PIK3C2B: variants seen among roughly 807,000 people sequenced by gnomAD.
The protein encoded by PIK3C2B is phosphatidylinositol-4-phosphate 3-kinase catalytic subunit type 2 beta.
Under a neutral mutation model 184.3 loss-of-function variants are expected in PIK3C2B, and 83 were observed. The ratio of observed to expected loss-of-function variants is 0.45; its 90% confidence interval spans 0.38 to 0.54. The LOEUF (loss-of-function observed/expected upper bound fraction) is 0.54, where lower values mean the gene tolerates loss of function less well. Among genes scored for constraint, PIK3C2B ranks in the 20% least tolerant of loss-of-function variants. The pLI, the probability that PIK3C2B is intolerant of heterozygous loss-of-function variation, is 0.00. For missense variants in PIK3C2B, 1,736 were observed against 2,113.5 expected (o/e 0.82, Z 3.50); for synonymous variants, 779 against 837.6 (o/e 0.93, Z 1.21).
rs757022256 is a variant in PIK3C2B, at chr1:204,454,756, T to C, written c.1979A>G (p.His660Arg). Residue 660 changes from histidine (H) to arginine (R), a missense_variant, in exon 12 of 33, where the codon CAT (histidine) becomes CGT (arginine). Coordinates refer to ENST00000684373, the MANE Select transcript of PIK3C2B (RefSeq NM_001377334.1). Reference sequence around the variant, plus strand: ...GGGGCTGCACAGCTCCTTGCCGCCATGGCTGAGGGAGCAGGAGAGGTAGAA... The same window carrying C: ...GGGGCTGCACAGCTCCTTGCCGCCACGGCTGAGGGAGCAGGAGAGGTAGAA... ...EDFYLSCSLS[H>R]GGKELCSPLQ... 2.3e-5 allele frequency: 37 copies of C among 1,613,410 alleles called. No homozygotes were observed. Among genetic ancestry groups the C allele is most frequent in the South Asian group, 5.5e-5 (5 of 91,090 alleles).
At chr1:204,443,948 G>T in intron 18 of PIK3C2B, 120 bp downstream of exon 18, 1 of 738,506 alleles carries the variant, frequency 1.4e-6, no homozygotes, top group Non-Finnish European at 2.4e-6. Context: ...AGGCCACAGG[G>T]TAAGTCAGCA....
chr1:204,449,119 G>A, intron 14 of PIK3C2B, 66 bp downstream of exon 14: 3 of 1,146,212 alleles, frequency 2.6e-6, no homozygotes, highest in African/African-American at 1.5e-5. Context: ...AAATCTCCAG[G>A]AGAAAAATGT....
intron 10 of PIK3C2B, 82 bp downstream of exon 10, chr1:204,456,955 G>T: frequency 8.6e-7 from 1 of 1,165,784 alleles, no homozygotes; most frequent in Non-Finnish European, 1.2e-6. Context: ...AAATCAAGGG[G>T]CCCAGGCAGA....
intron 5 of PIK3C2B, among the ~76,000 whole-genome samples, chr1:204,462,682 C>A (rs1655432497): frequency 6.6e-6 from 1 of 152,196 alleles, no homozygotes; most frequent in Non-Finnish European, 1.5e-5. Flanking sequence ...ATACAGAACC[C>A]TGCCTCTTTC....
Position 204,442,592 on chromosome 1 carries a change from A to G in PIK3C2B, c.3090T>C (p.Phe1030=). The G allele has an allele frequency of 6.4e-7, 1 of 1,556,480 alleles. No homozygotes were observed. Among genetic ancestry groups the G allele is most frequent in the Non-Finnish European group, 8.7e-7 (1 of 1,149,522 alleles). ...GCAAGCGGCACGAGCCATTGAGGGC[A>G]AAGAACTGCTTCACCTCCTCCAGGC... The part of the protein sequence containing the change: ...RTGLEEVKQF[F]ALNGSCRLPL... Residue 1030 remains phenylalanine, a synonymous_variant, in exon 20 of 33, where the codon TTT becomes TTC. Coordinates refer to ENST00000684373, the MANE Select transcript of PIK3C2B (RefSeq NM_001377334.1).
At chr1:204,455,274 C>A (rs966459319) in intron 11 of PIK3C2B, among the ~76,000 whole-genome samples, 1 of 151,838 alleles carries the variant, frequency 6.6e-6, no homozygotes, top group African/African-American at 2.4e-5. Context: ...TTGTTCTCTG[C>A]CAATCGCCCA....
chr1:204,474,749 C>G (rs918846901), intron 1 of PIK3C2B, among the ~76,000 whole-genome samples: 1 of 151,942 alleles, frequency 6.6e-6, no homozygotes, highest in African/African-American at 2.4e-5. Flanking sequence ...TTGATGATTC[C>G]AAATATGTAT....
At chr1:204,453,628 A>G (rs1204625265) in intron 12 of PIK3C2B, among the ~76,000 whole-genome samples, 1 of 152,164 alleles carries the variant, frequency 6.6e-6, no homozygotes, top group Admixed American at 6.5e-5. Flanking sequence ...CCTTCTCTAT[A>G]TATAAAGGGA....
chr1:204,454,021 C>A (rs1038397845), intron 12 of PIK3C2B, among the ~76,000 whole-genome samples: 7 of 151,750 alleles, frequency 4.6e-5, no homozygotes, highest in Non-Finnish European at 7.4e-5. Flanking sequence ...GTGATCCGCC[C>A]GCCTCGGCCT....
chr1:204,432,999 T>C (rs1675148973), intron 26 of PIK3C2B, among the ~76,000 whole-genome samples: 1 of 152,178 alleles, frequency 6.6e-6, no homozygotes, highest in Non-Finnish European at 1.5e-5. Context: ...TTAAAAGTTA[T>C]TACAAAAGCC....
intron 1 of PIK3C2B, among the ~76,000 whole-genome samples, chr1:204,486,656 G>A (rs933859257): frequency 6.6e-6 from 1 of 152,092 alleles, no homozygotes; most frequent in Non-Finnish European, 1.5e-5. Flanking sequence ...CCTGATCCTG[G>A]AGGACAGAGG....
intron 1 of PIK3C2B, among the ~76,000 whole-genome samples, chr1:204,490,952 T>A (rs1200649815): frequency 6.6e-6 from 1 of 152,098 alleles, no homozygotes. Flanking sequence ...TTATCCCACA[T>A]CTCTTCCTTC....
At chr1:204,476,615 T>C (rs1656732465) in intron 1 of PIK3C2B, among the ~76,000 whole-genome samples, 1 of 152,232 alleles carries the variant, frequency 6.6e-6, no homozygotes, top group African/African-American at 2.4e-5. Context: ...CTACTAGGGA[T>C]TCTGTATAAA....
At chr1:204,439,945 C>T (rs1424956162) in intron 22 of PIK3C2B, among the ~76,000 whole-genome samples, 1 of 152,136 alleles carries the variant, frequency 6.6e-6, no homozygotes, top group African/African-American at 2.4e-5. Context: ...TATTTCCTTA[C>T]AATTGGTTTG....
intron 1 of PIK3C2B, among the ~76,000 whole-genome samples, chr1:204,477,319 A>G (rs1558279838): frequency 6.6e-6 from 1 of 152,130 alleles, no homozygotes; most frequent in Non-Finnish European, 1.5e-5. Context: ...GCCAGGTTTG[A>G]CCCCACAGAA....
In PIK3C2B at chr1:204,423,440, C is replaced by A. The variant is rs1193309418; in HGVS notation, c.*1412G>T. On this transcript the variant is annotated 3_prime_UTR_variant, in exon 33 of 33. Transcript: ENST00000684373. ...TCCAGCCTGGCGACAGGGCGAGACT[C>A]CGTCTCCAAAAAAAAAAAAAAAAAT... 1 of 140,860 alleles carries A rather than the reference C, an allele frequency of 7.1e-6. No individual in the cohort carries two copies. Among genetic ancestry groups the A allele is most frequent in the African/African-American group, 2.8e-5 (1 of 35,594 alleles). 8.7% of individuals were successfully genotyped at this position (140,860 alleles called of 1,614,324 possible).
At chr1:204,476,042 G>C (rs544342612) in intron 1 of PIK3C2B, among the ~76,000 whole-genome samples, 13 of 152,158 alleles carry the variant, frequency 8.5e-5, no homozygotes, top group Non-Finnish European at 1.9e-4. Flanking sequence ...AAGGTGAAGC[G>C]AAGGTTCAGA....
At chr1:204,434,052 C>G (rs1333602618) in intron 24 of PIK3C2B, 103 bp from the exon 25 acceptor site, 3 of 888,450 alleles carry the variant, frequency 3.4e-6, no homozygotes, top group Middle Eastern at 3.5e-4. Flanking sequence ...ATCACGTGGA[C>G]ACACTGGATA....
In PIK3C2B at chr1:204,434,609, C is replaced by G; in HGVS notation, c.3517-1G>C. The G allele has an allele frequency of 6.2e-7, 1 of 1,610,796 alleles. No homozygotes were observed. The highest frequency in any genetic ancestry group is 8.5e-7 in the Non-Finnish European group (1 of 1,177,392). On this transcript the variant is annotated splice_acceptor_variant, in intron 23 of 32. Coordinates refer to ENST00000684373, the MANE Select transcript of PIK3C2B (RefSeq NM_001377334.1). LOFTEE classifies it high-confidence loss of function. Reference sequence around the variant, plus strand: ...AGGAGTAGATAAAGTTCTCCACAGCCTGGGAGGGGTCAAGGCAGATGGGAG... The same window carrying G: ...AGGAGTAGATAAAGTTCTCCACAGCGTGGGAGGGGTCAAGGCAGATGGGAG...
Sources: allele counts gnomAD v4.1 joint callset (sites outside exome capture counted in the v4.1 genomes callset), GRCh38; gene constraint gnomAD v4.1.1; transcripts MANE v1.5; gene names NCBI Gene and HGNC (gene_info 2026-07-23, HGNC 2026-07-21).